The following ZBTB20 variants were observed in gnomAD, a reference collection of about 807,000 sequenced individuals.
ZBTB20 encodes zinc finger and BTB domain-containing protein 20.
A neutral mutation model predicts 56.9 loss-of-function variants in ZBTB20; 9 were observed. The ratio of observed to expected loss-of-function variants is 0.16; its 90% CI spans 0.10 to 0.28. ZBTB20 has a LOEUF of 0.28. Ranked by LOEUF, ZBTB20 falls within the 10% of genes least tolerant of loss-of-function variation. ZBTB20 has a pLI of 1.00. For missense variants in ZBTB20, 655 were observed against 1,003.0 expected (o/e 0.65, Z 4.69); for synonymous variants, 417 against 420.7 (o/e 0.99, Z 0.11).
In ZBTB20 at chr3:114,350,559, A is replaced by G; in HGVS notation, c.1519T>C (p.Tyr507His). Reference protein sequence around the residue: ...TQVIGTAGNTYLPALFTTQPA... With the variant: ...TQVIGTAGNTHLPALFTTQPA... The stretch of plus-strand genomic sequence containing the variant: ...TGGGTAGTGAAGAGGGCTGGCAGGT[A>G]GGTGTTGCCAGCTGTGCCAATGACC... Residue 507 changes from tyrosine (Y) to histidine (H), a missense_variant, in exon 11 of 12, where the codon TAC becomes CAC. Tyr to His is a moderately conservative substitution (Grantham distance 83). Transcript: ENST00000675478. 6.2e-7 allele frequency: 1 copy of G among 1,614,056 alleles called. No individual in the cohort carries two copies.
chr3:114,691,960 G>A (rs1439555453), intron 6 of ZBTB20, among the ~76,000 whole-genome samples: 2 of 152,044 alleles, frequency 1.3e-5, no homozygotes, highest in Non-Finnish European at 2.9e-5. Context: ...CAGAGAAACT[G>A]CAAACACACA....
rs1251831577 is a variant in ZBTB20, at chr3:114,317,230, A to G, written c.*21775T>C. 1.3e-5 allele frequency: 2 copies of G among 152,338 alleles called. No individual in the cohort carries two copies. Among genetic ancestry groups the G allele is most frequent in the Non-Finnish European group, 2.9e-5 (2 of 68,186 alleles). The allele number at this position is 152,338 out of a possible 1,614,324, so 9.4% of individuals were successfully genotyped here. Reference sequence around the variant, plus strand: ...AACCCCATTTCAAAGAGCCTCTCCCATTGCTCCATTAAAATATTGCATGTG... The same window carrying G: ...AACCCCATTTCAAAGAGCCTCTCCCGTTGCTCCATTAAAATATTGCATGTG... On this transcript the variant is annotated 3_prime_UTR_variant, in exon 12 of 12. Coordinates refer to ENST00000675478, the MANE Select transcript of ZBTB20 (RefSeq NM_001348800.3).
intron 5 of ZBTB20, among the ~76,000 whole-genome samples, chr3:114,727,206 C>T (rs1311962932): frequency 2.0e-5 from 3 of 152,004 alleles, no homozygotes; most frequent in Non-Finnish European, 4.4e-5. Context: ...CCCAGGCCCA[C>T]CAACCTGGAA....
At chr3:114,845,723 C>T (rs928561849) in intron 4 of ZBTB20, among the ~76,000 whole-genome samples, 6 of 152,142 alleles carry the variant, frequency 3.9e-5, no homozygotes, top group East Asian at 3.9e-4. Context: ...TTTGTTTAAG[C>T]GCTATTCCAG....
intron 2 of ZBTB20, among the ~76,000 whole-genome samples, chr3:115,054,267 T>C (rs1467987196): frequency 6.6e-6 from 1 of 152,146 alleles, no homozygotes; most frequent in East Asian, 1.9e-4. Flanking sequence ...ACTTTCAACA[T>C]AGGTTGTTCC....
intron 7 of ZBTB20, among the ~76,000 whole-genome samples, chr3:114,439,250 C>T (rs964642822): frequency 6.6e-5 from 10 of 152,070 alleles, no homozygotes; most frequent in Non-Finnish European, 1.0e-4. Flanking sequence ...TGAAAGTCTG[C>T]TCTTAATCTC....
rs1414831435 is a variant in ZBTB20, at chr3:114,325,168, TTA to T, written c.*13835_*13836del. 1 of 152,064 alleles carries T rather than the reference TTA, an allele frequency of 6.6e-6. No individual in the cohort carries two copies. Among genetic ancestry groups the T allele is most frequent in the African/African-American group, 2.4e-5 (1 of 41,394 alleles). 9.4% of individuals were successfully genotyped at this position (152,064 alleles called of 1,614,324 possible). ...TAGATATATGCAAATTACCCTTAAT[TTA>T]TATCTCAATAGGCTCCTCAGGAAAA... On this transcript the variant is annotated 3_prime_UTR_variant, in exon 12 of 12. Coordinates refer to ENST00000675478, the MANE Select transcript of ZBTB20 (RefSeq NM_001348800.3).
intron 7 of ZBTB20, among the ~76,000 whole-genome samples, chr3:114,495,323 C>G (rs1479567578): frequency 6.6e-6 from 1 of 152,032 alleles, no homozygotes; most frequent in Non-Finnish European, 1.5e-5. Flanking sequence ...GATTTGAAGG[C>G]CCAAGGTACA....
intron 3 of ZBTB20, among the ~76,000 whole-genome samples, chr3:114,968,023 A>T (rs1486356212): frequency 6.6e-6 from 1 of 152,074 alleles, no homozygotes; most frequent in African/African-American, 2.4e-5. Flanking sequence ...CTTAGTGTTA[A>T]CTCACAAGCT....
At chr3:114,870,421 C>T (rs2107534763) in intron 4 of ZBTB20, among the ~76,000 whole-genome samples, 2 of 150,388 alleles carry the variant, frequency 1.3e-5, no homozygotes, top group South Asian at 4.3e-4. Flanking sequence ...GAATCACATA[C>T]TGGTTGACCA....
At chr3:114,939,491 A>G (rs1218678058) in intron 3 of ZBTB20, among the ~76,000 whole-genome samples, 2 of 146,412 alleles carry the variant, frequency 1.4e-5, no homozygotes, top group Non-Finnish European at 2.9e-5. Context: ...AAATAAACCA[A>G]TATGGTAGTA....
chr3:114,868,355 T>A (rs1356692954), intron 4 of ZBTB20, among the ~76,000 whole-genome samples: 1 of 152,130 alleles, frequency 6.6e-6, no homozygotes, highest in Non-Finnish European at 1.5e-5. Flanking sequence ...ACCAACAGCT[T>A]TTCTGTACTC....
chr3:114,496,558 G>A (rs538929041), intron 7 of ZBTB20, among the ~76,000 whole-genome samples: 6 of 152,078 alleles, frequency 3.9e-5, no homozygotes, highest in African/African-American at 1.4e-4. Flanking sequence ...ACACACCCAC[G>A]CATATCCTCC....
chr3:114,599,171 T>A (rs922372188), intron 6 of ZBTB20: 13 of 152,084 alleles, frequency 8.5e-5, no homozygotes, highest in African/African-American at 3.1e-4. Context: ...TTCATAATAG[T>A]ACATGGCATT....
At chr3:114,778,359 C>T (rs1448373524) in intron 5 of ZBTB20, among the ~76,000 whole-genome samples, 1 of 149,194 alleles carries the variant, frequency 6.7e-6, no homozygotes, top group African/African-American at 2.5e-5. Context: ...CAAAACAAAA[C>T]AGCAACAACA....
intron 6 of ZBTB20, among the ~76,000 whole-genome samples, chr3:114,598,119 G>A (rs891288747): frequency 2.6e-5 from 4 of 152,060 alleles, no homozygotes; most frequent in African/African-American, 9.7e-5. Context: ...CACTTTGCCT[G>A]TGGCCATTCT....
rs1416263227 is a variant in ZBTB20 at position 114,337,957 on chromosome 3, T to A, written c.*1048A>T. 1 of 151,812 alleles carries A rather than the reference T, an allele frequency of 6.6e-6. No homozygotes were observed. The highest frequency in any genetic ancestry group is 6.6e-5 in the Admixed American group (1 of 15,246). The allele number at this position is 151,812 out of a possible 1,614,324, so 9.4% of individuals were successfully genotyped here. ...TACTGTTGTAAATATATTAAAAAAATCAGCATTCTATCTGGTAAACGTCAC... is the reference window on the plus strand; with the variant it reads ...TACTGTTGTAAATATATTAAAAAAAACAGCATTCTATCTGGTAAACGTCAC... On this transcript the variant is annotated 3_prime_UTR_variant, in exon 12 of 12. Coordinates refer to ENST00000675478, the MANE Select transcript of ZBTB20 (RefSeq NM_001348800.3).
chr3:115,138,062 A>C lies in ZBTB20; in HGVS notation c.-703+9157T>G, dbSNP rs148938355. 1.5e-4 allele frequency among the ~76,000 whole-genome samples: 23 copies of C among 152,212 alleles called. No homozygotes were observed. In the East Asian group the frequency reaches 4.4e-3, roughly 29 times the overall value. ...AAGGGCACAAAGAACAAACAAACAC[A>C]AAAGCCTTCCAAAGTCATAGGATTT... On this transcript the variant is annotated intron_variant, in intron 1 of 11. Coordinates refer to ENST00000675478, the MANE Select transcript of ZBTB20 (RefSeq NM_001348800.3).
intron 5 of ZBTB20, among the ~76,000 whole-genome samples, chr3:114,739,805 T>G (rs2066446919): frequency 6.6e-6 from 1 of 152,234 alleles, no homozygotes; most frequent in Admixed American, 6.5e-5. Flanking sequence ...AGCCTAGGCA[T>G]TCTGACATTC....
Sources: gnomAD v4.1 joint callset for allele counts (sites outside exome capture counted in the v4.1 genomes callset) on GRCh38, gnomAD v4.1.1 for gene constraint, MANE v1.5 for transcripts, NCBI Gene and HGNC (gene_info 2026-07-23, HGNC 2026-07-21) for gene names.